DIS3: variants seen among roughly 807,000 people sequenced by gnomAD.
DIS3 encodes the protein exosome complex exonuclease RRP44.
Under a neutral mutation model 113.0 loss-of-function variants are expected in DIS3, and 103 were observed. The observed-to-expected ratio is 0.91, with a 90% CI of 0.78 to 1.07. DIS3 has a LOEUF of 1.07. Among genes scored for constraint, DIS3 ranks in the 50% least tolerant of loss-of-function variants. DIS3 has a pLI of 0.00. For missense variants in DIS3, 1,121 were observed against 1,167.1 expected (o/e 0.96, Z 0.58); for synonymous variants, 402 against 394.3 (o/e 1.02, Z -0.23).
Position 72,778,175 on chromosome 13 carries a change from AT to A in DIS3, c.580+11del. 1 of 1,565,294 alleles carries A rather than the reference AT, an allele frequency of 6.4e-7. No homozygotes were observed. The highest frequency in any genetic ancestry group is 8.7e-7 in the Non-Finnish European group (1 of 1,144,130). ...GCAAACATGCACTAAGTACTTCTAC[AT>A]TTAGACTTACAAGTGAAAGCTGGTA... On this transcript the variant is annotated intron_variant, in intron 3 of 20. Coordinates refer to ENST00000377767, the MANE Select transcript of DIS3 (RefSeq NM_014953.5).
At chr13:72,760,784 C>CA in intron 19 of DIS3, 133 bp from the exon 20 acceptor site, 1 of 1,027,630 alleles carries the variant, frequency 9.7e-7, no homozygotes, top group South Asian at 1.9e-5. Context: ...TTCAACATAA[C>CA]AAAGGCCACA....
At chr13:72,779,061 T>C (rs774242290) in intron 2 of DIS3, among the ~76,000 whole-genome samples, 2 of 152,164 alleles carry the variant, frequency 1.3e-5, no homozygotes, top group Non-Finnish European at 2.9e-5. Context: ...ATTTAATAAT[T>C]TGATTTATAT....
intron 17 of DIS3, 54 bp from the exon 18 acceptor site, chr13:72,761,868 T>C (rs1015845241): frequency 5.6e-6 from 9 of 1,611,766 alleles, no homozygotes; most frequent in African/African-American, 1.3e-5. Flanking sequence ...TATGTGCTTT[T>C]AAAATTCAAA....
chr13:72,761,373 T>A lies in DIS3; in HGVS notation c.2660A>T (p.Tyr887Phe). The part of the protein sequence containing the change: ...EKDKPNPQLI[Y>F]DDEIPSLKIE... ...TGAGAAATACCGTACCTCATCATCATAAATAAGCTGTGGGTTTGGTTTGTC... is the reference window on the plus strand; with the variant it reads ...TGAGAAATACCGTACCTCATCATCAAAAATAAGCTGTGGGTTTGGTTTGTC... The change falls in exon 19 of 21, where the codon TAT becomes TTT. Residue 887 changes from tyrosine to phenylalanine, a missense_variant. Physicochemically the swap from Tyr to Phe is conservative, Grantham distance 22 (BLOSUM62 3). This residue lies in a region of DIS3 where 861 missense variants were observed against 915.5 expected (regional missense o/e 0.94). Coordinates refer to ENST00000377767, the MANE Select transcript of DIS3 (RefSeq NM_014953.5). 6.2e-7 allele frequency: 1 copy of A among 1,601,614 alleles called. No homozygotes were observed. The highest frequency in any genetic ancestry group is 8.5e-7 in the Non-Finnish European group (1 of 1,177,216).
chr13:72,761,957 G>A lies in DIS3; in HGVS notation c.2308C>T (p.Pro770Ser), dbSNP rs780575971. 1 of 1,614,080 alleles carries A rather than the reference G, an allele frequency of 6.2e-7. No homozygotes were observed. Among genetic ancestry groups the A allele is most frequent in the Non-Finnish European group, 8.5e-7 (1 of 1,180,028 alleles). The change falls in exon 17 of 21, where the codon CCA becomes TCA. Residue 770 changes from proline (P) to serine (S), a missense_variant. Physicochemically the swap from Pro to Ser is moderately conservative, Grantham distance 74. Coordinates refer to ENST00000377767, the MANE Select transcript of DIS3 (RefSeq NM_014953.5). ...GGTGAAGTAAAATGTGTGTATATTG[G>A]AGACGCTAAGCCATAGTGATGAAAA... ...NDFHHYGLASPIYTHFTSPIR... is the reference protein window; with the variant it reads ...NDFHHYGLASSIYTHFTSPIR...
rs1277742442 is a variant in DIS3, at chr13:72,752,337, T to C, written c.*7458A>G. ...GGGGGATAACAAGGTATCTGTTGCC[T>C]GGTTGGTACATATTAGGCATTGACA... On this transcript the variant is annotated 3_prime_UTR_variant, in exon 21 of 21. Coordinates refer to ENST00000377767, the MANE Select transcript of DIS3 (RefSeq NM_014953.5). The C allele has an allele frequency of 1.3e-5, 2 of 152,216 alleles. No homozygotes were observed. Among genetic ancestry groups the C allele is most frequent in the Non-Finnish European group, 1.5e-5 (1 of 68,044 alleles). The allele number at this position is 152,216 out of a possible 1,614,324, so 9.4% of individuals were successfully genotyped here.
In DIS3 at chr13:72,756,025, C is replaced by CAGATATGTA. The variant is rs1425614510; in HGVS notation, c.*3761_*3769dup. On this transcript the variant is annotated 3_prime_UTR_variant, in exon 21 of 21. Coordinates refer to ENST00000377767, the MANE Select transcript of DIS3 (RefSeq NM_014953.5). Reference sequence around the variant, plus strand: ...ATAGGCCTGTGAAGTAACACTGGGGCAGATATGTATGTTATATACAACTAT... The same window carrying CAGATATGTA: ...ATAGGCCTGTGAAGTAACACTGGGGCAGATATGTAAGATATGTATGTTATATACAACTAT... 5.0e-6 allele frequency: 2 copies of CAGATATGTA among 398,224 alleles called. No individual in the cohort carries two copies. The highest frequency in any genetic ancestry group is 4.1e-5 in the African/African-American group (2 of 48,564). 24.7% of individuals were successfully genotyped at this position (398,224 alleles called of 1,614,324 possible). A position where few individuals can be genotyped will look rare whatever the true frequency, so the allele number is the denominator to read the frequency against.
chr13:72,777,424 T>A lies in DIS3; in HGVS notation c.650A>T (p.Glu217Val). 6.2e-7 allele frequency: 1 copy of A among 1,614,016 alleles called. No individual in the cohort carries two copies. The highest frequency in any genetic ancestry group is 8.5e-7 in the Non-Finnish European group (1 of 1,179,928). ...LIDRLACLSE[E>V]GNEIESGKII... ...AAAAACAAAACAAAAACATACCCCT[T>A]CTTCAGACAAACAAGCAAGACGATC... Residue 217 changes from glutamate (E) to valine (V), a missense_variant, in exon 4 of 21, where the codon GAA (glutamate) becomes GTA (valine). By Grantham distance (121) the Glu-to-Val change is moderately radical. This residue lies in a region of DIS3 where 861 missense variants were observed against 915.5 expected (regional missense o/e 0.94). Coordinates refer to ENST00000377767, the MANE Select transcript of DIS3 (RefSeq NM_014953.5).
At chr13:72,765,513 T>C (rs2033723424) in intron 15 of DIS3, among the ~76,000 whole-genome samples, 1 of 152,114 alleles carries the variant, frequency 6.6e-6, no homozygotes, top group African/African-American at 2.4e-5. Flanking sequence ...TCATAAGAAG[T>C]GCACAACTTA....
chr13:72,772,997 C>T (rs2033923352), intron 8 of DIS3, among the ~76,000 whole-genome samples, 158 bp from the exon 9 acceptor site: 2 of 152,166 alleles, frequency 1.3e-5, no homozygotes, highest in African/African-American at 4.8e-5. Context: ...CAAGACTTCT[C>T]AACTGATTTA....
chr13:72,778,724 G>T (rs1467039315), intron 2 of DIS3, among the ~76,000 whole-genome samples: 1 of 152,078 alleles, frequency 6.6e-6, no homozygotes, highest in Non-Finnish European at 1.5e-5. Flanking sequence ...CAATTTCACA[G>T]GTATGATAAT....
At position 72,755,099 on chromosome 13, in the gene DIS3, C is replaced by G. The variant is rs1236002459; in HGVS notation, c.*4696G>C. 6.7e-7 allele frequency: 1 copy of G among 1,493,540 alleles called. No homozygotes were observed. The highest frequency in any genetic ancestry group is 2.3e-5 in the East Asian group (1 of 44,270). The allele number at this position is 1,493,540 out of a possible 1,614,324, so 92.5% of individuals were successfully genotyped here. A position where few individuals can be genotyped will look rare whatever the true frequency, so the allele number is the denominator to read the frequency against. ...TAAAAACAGTCCCGATAATTGCATCCTCCAGTGGTCCTACTTAAACTGAAA... is the reference window on the plus strand; with the variant it reads ...TAAAAACAGTCCCGATAATTGCATCGTCCAGTGGTCCTACTTAAACTGAAA... On this transcript the variant is annotated 3_prime_UTR_variant, in exon 21 of 21. Coordinates refer to ENST00000377767, the MANE Select transcript of DIS3 (RefSeq NM_014953.5).
intron 7 of DIS3, 42 bp downstream of exon 7, chr13:72,773,904 G>A (rs1294211355): frequency 1.9e-6 from 3 of 1,586,370 alleles, no homozygotes; most frequent in Non-Finnish European, 2.6e-6. Context: ...TCTATTAAAT[G>A]TTTATCATTT....
intron 19 of DIS3, 52 bp downstream of exon 19, chr13:72,761,311 T>C: frequency 1.3e-6 from 2 of 1,560,252 alleles, no homozygotes; most frequent in Non-Finnish European, 1.7e-6. Context: ...TTATGAACTC[T>C]CAAAGAAAAA....
chr13:72,779,768 G>T (rs1157703666), intron 2 of DIS3, among the ~76,000 whole-genome samples: 1 of 151,172 alleles, frequency 6.6e-6, no homozygotes, highest in African/African-American at 2.4e-5. Context: ...TGGTGGTGGT[G>T]GTGGGGGGGG....
Position 72,774,066 on chromosome 13 carries a change from T to C in DIS3, c.988-7A>G. ...CGCTTACAGCAGTCTTAAGCTGAGA[T>C]ATAAAAATTAAAATGTTCAGTTATA... On this transcript the variant is annotated splice_region_variant and splice_polypyrimidine_tract_variant and intron_variant, in intron 6 of 20. Transcript: ENST00000377767. The C allele has an allele frequency of 1.9e-6, 3 of 1,563,794 alleles. No individual in the cohort carries two copies. Among genetic ancestry groups the C allele is most frequent in the East Asian group, 2.2e-5 (1 of 44,592 alleles).
rs746472475 is a variant in DIS3, at chr13:72,753,799, A to G, written c.*5996T>C. ...GCACAAACATGTGAAGTTGAGAGTAAATCTCAAGCATTTAATATGAAGGTA... is the reference window on the plus strand; with the variant it reads ...GCACAAACATGTGAAGTTGAGAGTAGATCTCAAGCATTTAATATGAAGGTA... On this transcript the variant is annotated 3_prime_UTR_variant, in exon 21 of 21. Coordinates refer to ENST00000377767, the MANE Select transcript of DIS3 (RefSeq NM_014953.5). 1.2e-6 allele frequency: 2 copies of G among 1,613,126 alleles called. No homozygotes were observed. The highest frequency in any genetic ancestry group is 2.2e-5 in the South Asian group (2 of 90,990).
rs1470696430 is a variant in DIS3 at position 72,753,050 on chromosome 13, A to G, written c.*6745T>C. On this transcript the variant is annotated 3_prime_UTR_variant, in exon 21 of 21. Coordinates refer to ENST00000377767, the MANE Select transcript of DIS3 (RefSeq NM_014953.5). ...TTAAGCCTTAATTTCCTTCTCTAGT[A>G]AAGTATTAGGGTTGTTGAAAGGAGA... 2 of 152,182 alleles carry G rather than the reference A, an allele frequency of 1.3e-5. No homozygotes were observed. Among genetic ancestry groups the G allele is most frequent in the Non-Finnish European group, 1.5e-5 (1 of 68,044 alleles). 9.4% of individuals were successfully genotyped at this position (152,182 alleles called of 1,614,324 possible).
At position 72,754,032 on chromosome 13, in the gene DIS3, G is replaced by A. The variant is rs1015083509; in HGVS notation, c.*5763C>T. ...ATACTACAAAGTGTGCAAAGGTAGC[G>A]TGTATTTGATGAGGGCATTTACTGA... On this transcript the variant is annotated 3_prime_UTR_variant, in exon 21 of 21. Transcript: ENST00000377767. 55 of 465,934 alleles carry A rather than the reference G, an allele frequency of 1.2e-4. No individual in the cohort carries two copies. In the South Asian group the frequency reaches 1.6e-3, roughly 14 times the overall value. 28.9% of individuals were successfully genotyped at this position (465,934 alleles called of 1,614,324 possible).
Sources: allele counts gnomAD v4.1 joint callset (sites outside exome capture counted in the v4.1 genomes callset), GRCh38; gene constraint gnomAD v4.1.1; regional missense constraint gnomAD v4.1.1; transcripts MANE v1.5; gene names NCBI Gene and HGNC (gene_info 2026-07-23, HGNC 2026-07-21).